The following PLEKHA2 variants were observed in gnomAD, a reference collection of about 807,000 sequenced individuals.
PLEKHA2 encodes pleckstrin homology domain containing A2, also known as pleckstrin homology domain-containing family A member 2.
PLEKHA2 carries 28 observed loss-of-function variants against 53.2 expected under a neutral mutation model. That is an observed-to-expected ratio of 0.53 (90% CI 0.39 to 0.72). The LOEUF is 0.72. PLEKHA2 is among the 30% of genes least tolerant of loss of function. The probability of loss-of-function intolerance (pLI) is 0.00; values close to 1 mark genes in which losing one functional copy is unlikely to be tolerated. For missense variants in PLEKHA2, 426 were observed against 537.9 expected (o/e 0.79, Z 2.06); for synonymous variants, 193 against 196.4 (o/e 0.98, Z 0.14).
At chr8:38,915,767 A>G (rs1015145236) in intron 1 of PLEKHA2, among the ~76,000 whole-genome samples, 29 of 152,140 alleles carry the variant, frequency 1.9e-4, no homozygotes, top group Non-Finnish European at 4.4e-5. Flanking sequence ...ATCTTTTGGT[A>G]TCTTCATGGA....
rs746593277 is a variant in PLEKHA2, at chr8:38,950,969, G to A, written c.465G>A (p.Val155=). Residue 155 remains valine (V), a synonymous_variant, in exon 6 of 12, where the codon GTG becomes GTA. Transcript: ENST00000617275. ...AGACGGAGATCATTGGAGGGGTGGT[G>A]GTCCACACACCCATCAGCCAGGTGA... The part of the protein sequence containing the change: ...AYKTEIIGGV[V]VHTPISQNGG... 1.1e-5 allele frequency: 18 copies of A among 1,613,800 alleles called. No individual in the cohort carries two copies. In the East Asian group the frequency reaches 3.6e-4, roughly 32 times the overall value.
intron 2 of PLEKHA2, among the ~76,000 whole-genome samples, chr8:38,929,906 G>C (rs1834358977): frequency 6.6e-6 from 1 of 152,174 alleles, no homozygotes; most frequent in Admixed American, 6.6e-5. Context: ...GGTCATTTCT[G>C]TGTTCTTTGT....
chr8:38,968,696 G>T (rs762413623), intron 11 of PLEKHA2, 27 bp downstream of exon 11: 1 of 1,610,850 alleles, frequency 6.2e-7, no homozygotes, highest in Non-Finnish European at 8.5e-7. Context: ...CTGTTGCACA[G>T]TGTCAACTCA....
chr8:38,933,778 T>TTAA (rs1834436810), intron 2 of PLEKHA2, among the ~76,000 whole-genome samples: 1 of 49,048 alleles, frequency 2.0e-5, no homozygotes, highest in African/African-American at 7.1e-5. Flanking sequence ...AGAGGTTTCC[T>TTAA]AAAAAAAAAA....
intron 1 of PLEKHA2, among the ~76,000 whole-genome samples, chr8:38,902,949 C>T (rs925291087): frequency 1.3e-5 from 2 of 152,176 alleles, no homozygotes; most frequent in Non-Finnish European, 2.9e-5. Context: ...CACCATGTGC[C>T]GCCTGAAGGC....
In PLEKHA2 at chr8:38,972,195, T is replaced by A. The variant is rs952874230; in HGVS notation, c.*2412T>A. On this transcript the variant is annotated 3_prime_UTR_variant, in exon 12 of 12. Transcript: ENST00000617275. ...TTGCTTGTTTTTAATTTTTTTTTTT[T>A]AATTTTTAAAAGACAGGGTCTCACT... is the stretch of plus-strand genomic sequence containing the variant. The A allele has an allele frequency of 2.0e-5, 3 of 151,922 alleles. No individual in the cohort carries two copies. Among genetic ancestry groups the A allele is most frequent in the African/African-American group, 4.8e-5 (2 of 41,266 alleles). The allele number at this position is 151,922 out of a possible 1,614,324, so 9.4% of individuals were successfully genotyped here.
intron 2 of PLEKHA2, among the ~76,000 whole-genome samples, chr8:38,920,345 G>A (rs528582322): frequency 3.0e-4 from 45 of 152,096 alleles, no homozygotes; most frequent in Non-Finnish European, 6.2e-4. Flanking sequence ...TAGTAGAGAC[G>A]GGGTTTCACT....
chr8:38,941,649 G>A (rs1210936157), intron 3 of PLEKHA2, among the ~76,000 whole-genome samples: 2 of 152,144 alleles, frequency 1.3e-5, no homozygotes, highest in African/African-American at 4.8e-5. Context: ...GTTGATGTGT[G>A]GAGTGAGGCT....
Position 38,929,618 on chromosome 8 carries a change from A to G in PLEKHA2, c.142-6376A>G, listed in dbSNP as rs1207390651. On this transcript the variant is annotated intron_variant, in intron 2 of 11. Coordinates refer to ENST00000617275, the MANE Select transcript of PLEKHA2 (RefSeq NM_021623.2). Reference sequence around the variant, plus strand: ...TCTTCATCTGTGAAATGGGATTGTTAGGATTAGGCGACCACATGTGAAGGT... The same window carrying G: ...TCTTCATCTGTGAAATGGGATTGTTGGGATTAGGCGACCACATGTGAAGGT... 2.0e-5 allele frequency among the ~76,000 whole-genome samples: 3 copies of G among 152,226 alleles called. No individual in the cohort carries two copies. In the East Asian group the frequency reaches 5.8e-4, roughly 29 times the overall value.
intron 2 of PLEKHA2, among the ~76,000 whole-genome samples, chr8:38,918,422 CCA>C (rs1834103938): frequency 4.0e-5 from 6 of 148,228 alleles, no homozygotes; most frequent in South Asian, 4.3e-4. Context: ...CATACACACA[CCA>C]CACACACCAT....
In PLEKHA2 at chr8:38,957,403, C is replaced by G. The variant is rs773926085; in HGVS notation, c.837+17C>G. Reference sequence around the variant, plus strand: ...TACGTACAGGTAAAATGCTCCCTTCCAGAAGACTCCAGCATTCTGTTTCTG... The same window carrying G: ...TACGTACAGGTAAAATGCTCCCTTCGAGAAGACTCCAGCATTCTGTTTCTG... On this transcript the variant is annotated intron_variant, in intron 10 of 11. Coordinates refer to ENST00000617275, the MANE Select transcript of PLEKHA2 (RefSeq NM_021623.2). 6.3e-7 allele frequency: 1 copy of G among 1,593,040 alleles called. No homozygotes were observed. The highest frequency in any genetic ancestry group is 2.2e-5 in the East Asian group (1 of 44,762).
chr8:38,939,270 CACTCTG>C (rs1297939440), intron 3 of PLEKHA2, among the ~76,000 whole-genome samples: 5 of 152,192 alleles, frequency 3.3e-5, no homozygotes, highest in Non-Finnish European at 1.5e-5. Context: ...CCTCTTTTGC[CACTCTG>C]TGGCAAAGGA....
chr8:38,966,969 C>A (rs1233184458), intron 10 of PLEKHA2, among the ~76,000 whole-genome samples: 1 of 137,184 alleles, frequency 7.3e-6, no homozygotes, highest in Non-Finnish European at 1.6e-5. Flanking sequence ...TTCCATGTCT[C>A]CAGTGACAAT....
In PLEKHA2 at chr8:38,969,893, CAT is replaced by C; in HGVS notation, c.*113_*114del. ...GGTAGTCAGAGGCCTTTATGTCACT[CAT>C]ATTCCTGTGGATGCTCTTTGGGAGG... On this transcript the variant is annotated 3_prime_UTR_variant, in exon 12 of 12. Coordinates refer to ENST00000617275, the MANE Select transcript of PLEKHA2 (RefSeq NM_021623.2). 6.9e-7 allele frequency: 1 copy of C among 1,449,042 alleles called. No individual in the cohort carries two copies. The allele number at this position is 1,449,042 out of a possible 1,614,324, so 89.8% of individuals were successfully genotyped here. A position where few individuals can be genotyped will look rare whatever the true frequency, so the allele number is the denominator to read the frequency against.
At chr8:38,960,240 C>T (rs1005956422) in intron 10 of PLEKHA2, among the ~76,000 whole-genome samples, 4 of 152,204 alleles carry the variant, frequency 2.6e-5, no homozygotes, top group African/African-American at 9.7e-5. Context: ...AATCTGTTTA[C>T]AGCACCTAAC....
At chr8:38,959,683 G>A (rs948639376) in intron 10 of PLEKHA2, among the ~76,000 whole-genome samples, 4 of 152,214 alleles carry the variant, frequency 2.6e-5, no homozygotes, top group Non-Finnish European at 5.9e-5. Flanking sequence ...AAGGATAAAG[G>A]AAGCCTGAAT....
chr8:38,910,298 T>C (rs1406084283), intron 1 of PLEKHA2, among the ~76,000 whole-genome samples: 1 of 152,140 alleles, frequency 6.6e-6, no homozygotes, highest in Non-Finnish European at 1.5e-5. Flanking sequence ...TGAGGCTACG[T>C]CTTGGTTTGG....
chr8:38,942,130 G>A (rs190407491), intron 3 of PLEKHA2, among the ~76,000 whole-genome samples: 106 of 152,224 alleles, frequency 7.0e-4, no homozygotes, highest in African/African-American at 2.1e-3. Flanking sequence ...AGCCGGTTGC[G>A]GTGGCTCATG....
intron 1 of PLEKHA2, among the ~76,000 whole-genome samples, chr8:38,906,556 A>G (rs1193164277): frequency 1.3e-5 from 2 of 152,078 alleles, no homozygotes; most frequent in African/African-American, 4.8e-5. Context: ...ACATGTTTGC[A>G]TTCCTCACCC....
Sources: allele counts gnomAD v4.1 joint callset (sites outside exome capture counted in the v4.1 genomes callset), GRCh38; gene constraint gnomAD v4.1.1; transcripts MANE v1.5; gene names NCBI Gene and HGNC (gene_info 2026-07-23, HGNC 2026-07-21).